The following AFF3 variants were observed in gnomAD, a reference collection of about 807,000 sequenced individuals.
AFF3 encodes AF4/FMR2 family member 3.
AFF3 carries 32 observed loss-of-function variants against 129.7 expected under a neutral mutation model. The ratio of observed to expected loss-of-function variants is 0.25; its 90% CI spans 0.19 to 0.33. The LOEUF (loss-of-function observed/expected upper bound fraction) is 0.33, where lower values mean the gene tolerates loss of function less well. Ranked by LOEUF, AFF3 falls within the 10% of genes least tolerant of loss-of-function variation. The probability of loss-of-function intolerance (pLI) is 1.00; values close to 1 mark genes in which losing one functional copy is unlikely to be tolerated. For synonymous variants in AFF3, 644 were observed against 635.4 expected (o/e 1.01, Z -0.20); for missense variants, 1,373 against 1,592.0 (o/e 0.86, Z 2.34).
rs758119111 is a variant in AFF3, at chr2:99,745,864, C to A, written c.1003-1724G>T. On this transcript the variant is annotated intron_variant, in intron 9 of 24. Transcript: ENST00000672756. ...ACATCCTCTTTCTTTGCAAAATTCTCATTTAATAGAAAGTAAACCACATAC... is the reference window on the plus strand; with the variant it reads ...ACATCCTCTTTCTTTGCAAAATTCTAATTTAATAGAAAGTAAACCACATAC... Among the ~76,000 whole-genome samples the A allele has an allele frequency of 4.5e-4, 69 of 152,126 alleles. 2 individuals are homozygous for A. The highest frequency in any genetic ancestry group is 1.6e-3 in the African/African-American group (66 of 41,430).
chr2:99,864,471 C>G (rs577225982), intron 7 of AFF3, among the ~76,000 whole-genome samples: 1 of 152,100 alleles, frequency 6.6e-6, no homozygotes, highest in Non-Finnish European at 1.5e-5. Context: ...TTTAAAAACA[C>G]AAAAATAGAC....
chr2:99,774,811 A>G (rs1683761705), intron 8 of AFF3, among the ~76,000 whole-genome samples: 1 of 152,228 alleles, frequency 6.6e-6, no homozygotes, highest in Non-Finnish European at 1.5e-5. Flanking sequence ...CAGACAACCT[A>G]CAGAATGGGA....
chr2:99,839,196 A>G (rs1220842007), intron 7 of AFF3, among the ~76,000 whole-genome samples: 1 of 151,284 alleles, frequency 6.6e-6, no homozygotes, highest in Non-Finnish European at 1.5e-5. Flanking sequence ...TGCAACCTCT[A>G]CCTCCTGGGT....
At chr2:99,601,987 G>A (rs955181292) in intron 13 of AFF3, among the ~76,000 whole-genome samples, 1 of 152,182 alleles carries the variant, frequency 6.6e-6, no homozygotes, top group African/African-American at 2.4e-5. Context: ...CTACAAAAAT[G>A]CAAGGAAATC....
intron 8 of AFF3, among the ~76,000 whole-genome samples, chr2:99,820,196 T>C (rs890543625): frequency 6.6e-6 from 1 of 152,160 alleles, no homozygotes; most frequent in Non-Finnish European, 1.5e-5. Context: ...TACACAAACC[T>C]GGGTGGCACA....
intron 7 of AFF3, among the ~76,000 whole-genome samples, chr2:99,873,890 C>A (rs1692068736): frequency 6.6e-6 from 1 of 152,082 alleles, no homozygotes; most frequent in South Asian, 2.1e-4. Flanking sequence ...CTTTAAGAAG[C>A]TGGGCCGGGC....
intron 7 of AFF3, among the ~76,000 whole-genome samples, chr2:99,885,909 T>C (rs1693078423): frequency 6.6e-6 from 1 of 152,186 alleles, no homozygotes; most frequent in East Asian, 1.9e-4. Context: ...TCTTACTACA[T>C]TAACCCATAA....
intron 12 of AFF3, among the ~76,000 whole-genome samples, chr2:99,662,249 A>G (rs1288670857): frequency 6.6e-6 from 1 of 152,196 alleles, no homozygotes; most frequent in African/African-American, 2.4e-5. Context: ...AGGTTCAAAT[A>G]TATGATTACT....
At chr2:99,864,250 A>C (rs1691211447) in intron 7 of AFF3, among the ~76,000 whole-genome samples, 1 of 152,156 alleles carries the variant, frequency 6.6e-6, no homozygotes, top group African/African-American at 2.4e-5. Context: ...TGTCACCTTT[A>C]CCAAAGGTGT....
intron 7 of AFF3, among the ~76,000 whole-genome samples, chr2:99,932,679 C>T (rs546762630): frequency 1.3e-5 from 2 of 152,286 alleles, no homozygotes; most frequent in Non-Finnish European, 2.9e-5. Flanking sequence ...CTGTAGAAAC[C>T]CGGAGTGTAG....
chr2:99,735,369 A>T (rs1436640267), intron 10 of AFF3, among the ~76,000 whole-genome samples: 1 of 151,242 alleles, frequency 6.6e-6, no homozygotes, highest in African/African-American at 2.4e-5. Context: ...CTGCTATTTT[A>T]TTAATTTCTG....
chr2:99,757,454 CAAT>C (rs1268348861), intron 8 of AFF3, among the ~76,000 whole-genome samples: 2 of 152,178 alleles, frequency 1.3e-5, no homozygotes, highest in Non-Finnish European at 1.5e-5. Flanking sequence ...ATAATAATAA[CAAT>C]AATTCTCATT....
intron 11 of AFF3, among the ~76,000 whole-genome samples, chr2:99,709,869 T>C (rs764653138): frequency 6.6e-6 from 1 of 152,238 alleles, no homozygotes; most frequent in Non-Finnish European, 1.5e-5. Context: ...TCAAATGAAA[T>C]AGTCCCAAAT....
In AFF3 at chr2:99,551,530, C is replaced by T. The variant is rs774002697; in HGVS notation, c.3625G>A (p.Val1209Ile). ...TGCAGGCCCTGTTGGGAGTACTGGA[C>T]CAGGTGCTCCATGCTGCTGTGCAGG... ...VTLHSSMEHL[V>I]QYSQQGLHWL... The change falls in exon 25 of 25, where the codon GTC becomes ATC. Residue 1209 changes from valine (V) to isoleucine (I), a missense_variant. Around this residue, in one of 9 missense-constraint regions of AFF3, gnomAD observed 165 missense variants for 234.0 expected, o/e 0.71. Transcript: ENST00000672756. 2 of 1,614,136 alleles carry T rather than the reference C, an allele frequency of 1.2e-6. No individual in the cohort carries two copies. The highest frequency in any genetic ancestry group is 1.7e-6 in the Non-Finnish European group (2 of 1,180,046).
Position 100,008,708 on chromosome 2 carries a change from G to T in AFF3, c.174+104C>A. The T allele has an allele frequency of 2.2e-6, 3 of 1,370,594 alleles. No individual in the cohort carries two copies. The South Asian group carries it at 4.3e-5, about 20-fold the overall frequency. The allele number at this position is 1,370,594 out of a possible 1,614,324, so 84.9% of individuals were successfully genotyped here. A position where few individuals can be genotyped will look rare whatever the true frequency, so the allele number is the denominator to read the frequency against. ...TCTTCCCTGGGCTGAACAGACAGAA[G>T]ATGCAGTCAAGTTTGGTCGGCCAAT... On this transcript the variant is annotated intron_variant, in intron 5 of 24. Coordinates refer to ENST00000672756, the MANE Select transcript of AFF3 (RefSeq NM_001386135.1).
chr2:99,947,578 GA>G (rs201576481), intron 7 of AFF3, among the ~76,000 whole-genome samples: 2,763 of 133,490 alleles, frequency 0.021, 35 homozygotes, highest in African/African-American at 0.034. Flanking sequence ...AGAAAGAAAA[GA>G]AAAGAAAGAA....
At chr2:99,736,439 A>G (rs1314617350) in intron 10 of AFF3, among the ~76,000 whole-genome samples, 2 of 152,062 alleles carry the variant, frequency 1.3e-5, no homozygotes, top group Admixed American at 6.5e-5. Context: ...TATCACCAGT[A>G]TTTGGCTGGC....
In AFF3 at chr2:99,981,382, T is replaced by TG. The variant is rs1679388263; in HGVS notation, c.873+25249dup. ...TTTTCCAATTCCTTGAAGTGTTTAA[T>TG]GAAACTATGATACATATTCATGCAC... On this transcript the variant is annotated intron_variant, in intron 7 of 24. Coordinates refer to ENST00000672756, the MANE Select transcript of AFF3 (RefSeq NM_001386135.1). Among the ~76,000 whole-genome samples, 6 of 152,326 alleles carry TG rather than the reference T, an allele frequency of 3.9e-5. No homozygotes were observed. In the South Asian group the frequency reaches 1.2e-3, roughly 32 times the overall value.
chr2:99,634,459 C>T (rs1438654865), intron 13 of AFF3, among the ~76,000 whole-genome samples: 1 of 152,164 alleles, frequency 6.6e-6, no homozygotes, highest in African/African-American at 2.4e-5. Flanking sequence ...GTTTCACTTC[C>T]TCATTGAGGC....
Sources: gnomAD v4.1 joint callset for allele counts (sites outside exome capture counted in the v4.1 genomes callset) on GRCh38, gnomAD v4.1.1 for gene constraint, gnomAD v4.1.1 regional missense constraint, MANE v1.5 for transcripts, NCBI Gene and HGNC (gene_info 2026-07-23, HGNC 2026-07-21) for gene names.